Variants in ACACA observed in about 807,000 individuals in gnomAD.
ACACA encodes the protein acetyl-CoA carboxylase alpha.
In ACACA, 103 loss-of-function variants were observed where a neutral mutation model predicts 296.1. That is an observed-to-expected ratio of 0.35 (90% CI 0.30 to 0.41). The LOEUF (loss-of-function observed/expected upper bound fraction) is 0.41, where lower values mean the gene tolerates loss of function less well. Among genes scored for constraint, ACACA ranks in the 10% least tolerant of loss-of-function variants. ACACA has a pLI of 1.00. For missense variants in ACACA, 1,554 were observed against 2,989.7 expected (o/e 0.52, Z 11.20); for synonymous variants, 953 against 1,038.6 (o/e 0.92, Z 1.58).
chr17:37,361,143 A>G (rs1280733488), intron 1 of ACACA, among the ~76,000 whole-genome samples: 1 of 150,050 alleles, frequency 6.7e-6, no homozygotes, highest in Non-Finnish European at 1.5e-5. Flanking sequence ...GGTTCAAGCC[A>G]TTCTCCTGCC....
Position 37,087,284 on chromosome 17 carries a change from G to C in ACACA, c.*32C>G. 6.2e-7 allele frequency: 1 copy of C among 1,613,844 alleles called. No individual in the cohort carries two copies. The highest frequency in any genetic ancestry group is 2.2e-5 in the East Asian group (1 of 44,892). On this transcript the variant is annotated 3_prime_UTR_variant, in exon 56 of 56. Transcript: ENST00000616317. The stretch of plus-strand genomic sequence containing the variant: ...AAGGCAGCTCTAGCCCTTTTCTCCA[G>C]AGACAGGGCAGGGACAGGCAGGAAG...
chr17:37,286,665 C>T (rs2082788225), intron 3 of ACACA, among the ~76,000 whole-genome samples: 1 of 152,172 alleles, frequency 6.6e-6, no homozygotes, highest in African/African-American at 2.4e-5. Context: ...CATAGAGGTA[C>T]CAGCAGCAGT....
intron 41 of ACACA, among the ~76,000 whole-genome samples, chr17:37,166,611 G>A (rs2076678218): frequency 6.6e-6 from 1 of 152,152 alleles, no homozygotes; most frequent in African/African-American, 2.4e-5. Context: ...ACTATCTGCT[G>A]TACTGTTCTA....
chr17:37,188,109 A>G (rs1199948013), intron 39 of ACACA, among the ~76,000 whole-genome samples, 168 bp downstream of exon 39: 1 of 152,048 alleles, frequency 6.6e-6, no homozygotes, highest in Non-Finnish European at 1.5e-5. Flanking sequence ...GGCAAATCTT[A>G]TAAGGCAGAT....
intron 3 of ACACA, among the ~76,000 whole-genome samples, chr17:37,298,019 A>C (rs1480450503): frequency 3.3e-5 from 5 of 152,206 alleles, no homozygotes; most frequent in Non-Finnish European, 7.3e-5. Context: ...GTGCAGTGGC[A>C]GGAATATATC....
intron 21 of ACACA, 42 bp downstream of exon 21, chr17:37,244,546 A>G (rs2080594755): frequency 1.9e-6 from 3 of 1,607,668 alleles, no homozygotes; most frequent in African/African-American, 2.7e-5. Context: ...GAGAATAGGT[A>G]TCCCATTTGT....
chr17:37,226,715 G>C (rs1365434039), intron 25 of ACACA, among the ~76,000 whole-genome samples: 1 of 152,120 alleles, frequency 6.6e-6, no homozygotes, highest in African/African-American at 2.4e-5. Flanking sequence ...TTAACACGCA[G>C]AAGGAATCAT....
intron 45 of ACACA, among the ~76,000 whole-genome samples, chr17:37,131,171 A>G (rs898339088): frequency 2.6e-5 from 4 of 151,978 alleles, no homozygotes; most frequent in African/African-American, 7.3e-5. Flanking sequence ...AATCCCTGGT[A>G]TATCCCTGGA....
chr17:37,181,547 T>A (rs940246788), intron 39 of ACACA, among the ~76,000 whole-genome samples, 191 bp from the exon 40 acceptor site: 18 of 151,552 alleles, frequency 1.2e-4, no homozygotes, highest in African/African-American at 4.1e-4. Flanking sequence ...CTCCAAAAAA[T>A]ATATATATAT....
At chr17:37,225,276 C>A (rs985874460) in intron 26 of ACACA, 171 bp from the exon 27 acceptor site, 7 of 589,454 alleles carry the variant, frequency 1.2e-5, no homozygotes, top group Admixed American at 5.4e-5. Flanking sequence ...AAAGCCAGTG[C>A]CACCAAATAC....
At chr17:37,149,779 C>T in intron 45 of ACACA, 85 bp downstream of exon 45, 1 of 1,233,092 alleles carries the variant, frequency 8.1e-7, no homozygotes, top group Admixed American at 1.7e-5. Flanking sequence ...TGAACTGCTT[C>T]CTTCCAATCA....
chr17:37,305,924 T>G (rs1285584941), intron 3 of ACACA, among the ~76,000 whole-genome samples: 9 of 149,310 alleles, frequency 6.0e-5, no homozygotes, highest in Non-Finnish European at 1.0e-4. Flanking sequence ...TTTTTTTTTT[T>G]TTGAGACGGA....
intron 33 of ACACA, among the ~76,000 whole-genome samples, chr17:37,203,326 T>G (rs944941395): frequency 9.9e-5 from 15 of 152,094 alleles, no homozygotes; most frequent in African/African-American, 3.6e-4. Context: ...CAACAAGAAG[T>G]GTCAAGTTGT....
intron 1 of ACACA, among the ~76,000 whole-genome samples, chr17:37,364,369 G>A (rs1355725992): frequency 4.6e-5 from 7 of 151,990 alleles, no homozygotes; most frequent in Non-Finnish European, 1.0e-4. Flanking sequence ...CAAGACGGGC[G>A]GATCACCTGA....
At chr17:37,090,120 C>T (rs566030976) in intron 54 of ACACA, among the ~76,000 whole-genome samples, 1 of 152,254 alleles carries the variant, frequency 6.6e-6, no homozygotes, top group South Asian at 2.1e-4. Flanking sequence ...CTACAGGAAG[C>T]CTGTATGCAA....
chr17:37,329,300 G>A (rs956691280), intron 3 of ACACA, among the ~76,000 whole-genome samples: 11 of 152,150 alleles, frequency 7.2e-5, no homozygotes, highest in African/African-American at 2.7e-4. Context: ...AAAAACTGAT[G>A]TTCCTCAACC....
intron 1 of ACACA, among the ~76,000 whole-genome samples, chr17:37,356,162 C>T (rs2049132318): frequency 6.6e-6 from 1 of 151,722 alleles, no homozygotes; most frequent in African/African-American, 2.4e-5. Flanking sequence ...AGCGAGACTC[C>T]GACTCCAAAA....
chr17:37,375,650 A>C (rs1458738679), intron 1 of ACACA, among the ~76,000 whole-genome samples: 3 of 152,166 alleles, frequency 2.0e-5, no homozygotes, highest in Admixed American at 6.6e-5. Context: ...CTATTTCTAT[A>C]ATTCCTGCTC....
rs1214300260 is a variant in ACACA, at chr17:37,114,552, A to G, written c.6275-1287T>C. ...CCTTTAAAAAAAAAAAAAAAAAAAA[A>G]AGAGTACATTTTGTAATCCCTCCAA... On this transcript the variant is annotated intron_variant, in intron 50 of 55. Coordinates refer to ENST00000616317, the MANE Select transcript of ACACA (RefSeq NM_198834.3). 7.6e-5 allele frequency among the ~76,000 whole-genome samples: 11 copies of G among 144,828 alleles called. 1 individual carries two copies. The South Asian group carries it at 1.1e-3, about 14-fold the overall frequency.
Sources: allele counts gnomAD v4.1 joint callset (sites outside exome capture counted in the v4.1 genomes callset), GRCh38; gene constraint gnomAD v4.1.1; transcripts MANE v1.5; gene names NCBI Gene and HGNC (gene_info 2026-07-23, HGNC 2026-07-21).